The following DNMBP variants were observed in gnomAD, a reference collection of about 807,000 sequenced individuals.
DNMBP encodes the protein dynamin-binding protein.
A neutral mutation model predicts 150.0 loss-of-function variants in DNMBP; 87 were observed. That is an observed-to-expected ratio of 0.58 (90% confidence interval 0.49 to 0.69). The LOEUF (loss-of-function observed/expected upper bound fraction) is 0.69. Ranked by LOEUF, DNMBP falls within the 30% of genes least tolerant of loss-of-function variation. DNMBP has a pLI of 0.00. For missense variants in DNMBP, 1,774 were observed against 1,949.0 expected, an observed-to-expected ratio of 0.91 and a Z score of 1.69; for synonymous variants, 711 against 750.4, an observed-to-expected ratio of 0.95 and a Z score of 0.86.
intron 1 of DNMBP, among the ~76,000 whole-genome samples, chr10:100,006,202 T>C (rs1300188032): frequency 1.3e-5 from 2 of 152,250 alleles, no homozygotes; most frequent in African/African-American, 4.8e-5. Context: ...TTTGTTCTCA[T>C]GACCTGACAA....
At chr10:99,984,842 C>T (rs569900447) in intron 1 of DNMBP, among the ~76,000 whole-genome samples, 17 of 152,274 alleles carry the variant, frequency 1.1e-4, no homozygotes, top group Middle Eastern at 3.4e-3. Context: ...ATTCTCCCAC[C>T]TTAGCCTCAC....
chr10:99,920,099 G>C (rs1361021535), intron 4 of DNMBP, among the ~76,000 whole-genome samples: 2 of 150,048 alleles, frequency 1.3e-5, no homozygotes, highest in African/African-American at 4.9e-5. Context: ...TTTTGAGACA[G>C]AGTTTTGCTC....
Position 99,971,961 on chromosome 10 carries a change from CT to C in DNMBP, c.145+18del. On this transcript the variant is annotated intron_variant, in intron 2 of 16. Coordinates refer to ENST00000324109, the MANE Select transcript of DNMBP (RefSeq NM_015221.4). ...GAAAGAAGTCAGGGCCTGTGGTCCA[CT>C]ATGAGTCTCTTACTTACCTGTAACA... 3 of 1,606,236 alleles carry C rather than the reference CT, an allele frequency of 1.9e-6. No individual in the cohort carries two copies. The highest frequency in any genetic ancestry group is 2.6e-6 in the Non-Finnish European group (3 of 1,176,278).
intron 4 of DNMBP, among the ~76,000 whole-genome samples, chr10:99,929,175 T>C (rs1411311444): frequency 2.0e-5 from 3 of 150,852 alleles, no homozygotes; most frequent in African/African-American, 4.9e-5. Flanking sequence ...TAAAGTCAAG[T>C]CTTCTTTTCC....
intron 4 of DNMBP, among the ~76,000 whole-genome samples, chr10:99,948,126 GTC>G (rs2040378914): frequency 6.6e-6 from 1 of 152,022 alleles, no homozygotes; most frequent in Non-Finnish European, 1.5e-5. Flanking sequence ...CTTTAAAAAA[GTC>G]TATTATCAGG....
Position 99,877,182 on chromosome 10 carries a change from G to C in DNMBP, c.4703C>G (p.Ser1568Cys), listed in dbSNP as rs777457282. ...GTACTCGGTTTTGCGGATATAATTG[G>C]AGGGAACGTAGCCCTTCTTCCCGTT... is the stretch of plus-strand genomic sequence containing the variant. Reference protein sequence around the residue: ...EVNGKKGYVPSNYIRKTEYT With the variant: ...EVNGKKGYVPCNYIRKTEYT The change falls in exon 17 of 17, where the codon TCC becomes TGC. Residue 1568 changes from serine to cysteine, a missense_variant. Around this residue, in one of 2 missense-constraint regions of DNMBP, gnomAD observed 1,430 missense variants for 1,492.5 expected, o/e 0.96. Coordinates refer to ENST00000324109, the MANE Select transcript of DNMBP (RefSeq NM_015221.4). The C allele has an allele frequency of 6.2e-7, 1 of 1,612,940 alleles. No individual in the cohort carries two copies. Among genetic ancestry groups the C allele is most frequent in the South Asian group, 1.1e-5 (1 of 90,770 alleles).
At chr10:99,995,857 G>A (rs1301569925) in intron 1 of DNMBP, among the ~76,000 whole-genome samples, 2 of 152,268 alleles carry the variant, frequency 1.3e-5, no homozygotes, top group Admixed American at 6.5e-5. Context: ...AGAAGGGACA[G>A]TGGAGTCACC....
At chr10:99,939,890 G>A (rs2040275372) in intron 4 of DNMBP, among the ~76,000 whole-genome samples, 1 of 152,200 alleles carries the variant, frequency 6.6e-6, no homozygotes, top group Admixed American at 6.5e-5. Context: ...CACCCAGAAA[G>A]GGACTTGGTA....
At chr10:99,968,280 TCTA>T (rs1318240585) in intron 3 of DNMBP, among the ~76,000 whole-genome samples, 4 of 152,202 alleles carry the variant, frequency 2.6e-5, no homozygotes, top group African/African-American at 9.6e-5. Flanking sequence ...AAATTCCTGC[TCTA>T]CTATTATACA....
chr10:99,920,267 G>A (rs1206719996), intron 4 of DNMBP, among the ~76,000 whole-genome samples: 1 of 152,040 alleles, frequency 6.6e-6, no homozygotes, highest in Non-Finnish European at 1.5e-5. Context: ...TAGAGAAGGG[G>A]TTTCTCCATG....
At chr10:99,906,901 TA>T (rs1429162613) in intron 6 of DNMBP, among the ~76,000 whole-genome samples, 1 of 152,246 alleles carries the variant, frequency 6.6e-6, no homozygotes, top group African/African-American at 2.4e-5. Context: ...TAGCAATGGA[TA>T]ACCAATAAGT....
At chr10:99,885,649 C>T (rs1317311402) in intron 14 of DNMBP, 38 bp downstream of exon 14, 2 of 1,530,974 alleles carry the variant, frequency 1.3e-6, no homozygotes, top group African/African-American at 2.8e-5. Context: ...CCCCTCTTTA[C>T]CCCGAGGCGG....
Position 99,918,593 on chromosome 10 carries a change from G to A in DNMBP, c.2261-9447C>T, listed in dbSNP as rs1589417937. ...CAACTTCTTTTTTTTTTTTGAAAAGGAGTCTCACTGTCGCCCAGGCTAGAG... is the reference window on the plus strand; with the variant it reads ...CAACTTCTTTTTTTTTTTTGAAAAGAAGTCTCACTGTCGCCCAGGCTAGAG... On this transcript the variant is annotated intron_variant, in intron 4 of 16. Coordinates refer to ENST00000324109, the MANE Select transcript of DNMBP (RefSeq NM_015221.4). Among the ~76,000 whole-genome samples the A allele has an allele frequency of 6.1e-5, 3 of 49,396 alleles. No individual in the cohort carries two copies. The East Asian group carries it at 8.8e-4, about 14-fold the overall frequency. 32.4% of individuals were successfully genotyped at this position (49,396 alleles called of 152,430 possible). A position where few individuals can be genotyped will look rare whatever the true frequency, so the allele number is the denominator to read the frequency against.
intron 16 of DNMBP, 39 bp downstream of exon 16, chr10:99,879,772 G>A (rs766964636): frequency 1.1e-5 from 18 of 1,605,550 alleles, no homozygotes; most frequent in Non-Finnish European, 1.5e-5. Context: ...CACATCTGCT[G>A]CCGCCTGTGC....
At chr10:99,878,619 T>G (rs924575374) in intron 16 of DNMBP, among the ~76,000 whole-genome samples, 6 of 152,096 alleles carry the variant, frequency 3.9e-5, no homozygotes, top group African/African-American at 1.4e-4. Context: ...AACTGGACTC[T>G]TAGAATCCAG....
chr10:99,994,393 T>C (rs1295640058), intron 1 of DNMBP, among the ~76,000 whole-genome samples: 1 of 152,182 alleles, frequency 6.6e-6, no homozygotes, highest in East Asian at 1.9e-4. Context: ...GTGATGACAA[T>C]GGCGGGTGAT....
At chr10:99,929,804 C>A (rs574514691) in intron 4 of DNMBP, 69 of 702,828 alleles carry the variant, frequency 9.8e-5, no homozygotes, top group South Asian at 4.9e-4. Context: ...CCCTGGTACA[C>A]TGAGTCTGCA....
chr10:99,939,057 G>A (rs1015762346), intron 4 of DNMBP, among the ~76,000 whole-genome samples: 1 of 152,014 alleles, frequency 6.6e-6, no homozygotes, highest in Admixed American at 6.5e-5. Context: ...GTAGGATTTG[G>A]AAGGAGAGAG....
At chr10:99,903,158 C>T (rs1361598338) in intron 6 of DNMBP, among the ~76,000 whole-genome samples, 1 of 142,784 alleles carries the variant, frequency 7.0e-6, no homozygotes, top group Non-Finnish European at 1.5e-5. Flanking sequence ...CCAGGCTGGG[C>T]TTGAACTCCT....
Sources: allele counts gnomAD v4.1 joint callset (sites outside exome capture counted in the v4.1 genomes callset), GRCh38; gene constraint gnomAD v4.1.1; regional missense constraint gnomAD v4.1.1; transcripts MANE v1.5; gene names NCBI Gene and HGNC (gene_info 2026-07-23, HGNC 2026-07-21).